Variants in BTNL2 observed in about 807,000 individuals in gnomAD.
BTNL2 encodes butyrophilin like 2, also known as butyrophilin-like protein 2.
In BTNL2, 46 loss-of-function variants were observed where a neutral mutation model predicts 46.8. The ratio of observed to expected loss-of-function variants is 0.98; its 90% CI spans 0.78 to 1.26. The LOEUF (loss-of-function observed/expected upper bound fraction) is 1.26. Ranked by LOEUF, BTNL2 falls within the 50% of genes most tolerant of loss-of-function variation. The probability of loss-of-function intolerance (pLI) is 0.00; values close to 1 mark genes in which losing one functional copy is unlikely to be tolerated. For missense variants in BTNL2, 461 were observed against 592.6 expected (o/e 0.78, Z 2.31); for synonymous variants, 226 against 229.1 (o/e 0.99, Z 0.12).
In BTNL2 at chr6:32,399,030, C is replaced by T. The variant is rs118011907; in HGVS notation, c.731-2644G>A. Among the ~76,000 whole-genome samples, 2,378 of 151,916 alleles carry T rather than the reference C, an allele frequency of 0.016. 73 individuals carry two copies. Among genetic ancestry groups the T allele is most frequent in the East Asian group, 0.095 (483 of 5,066 alleles). On this transcript the variant is annotated intron_variant, in intron 4 of 7. Coordinates refer to ENST00000454136, the MANE Select transcript of BTNL2 (RefSeq NM_001304561.2). This position sits in a 1 kb window ranked among gnomAD's most constrained non-coding sequence, Gnocchi z 5.2. ...CTTACTGCACAGGTCATCCCATCAC[C>T]CAGGTGTTAAGCCCAGCATCCATTA...
Position 32,393,872 on chromosome 6 carries a change from C to T in BTNL2, c.*6+91G>A. 2.0e-6 allele frequency: 3 copies of T among 1,479,858 alleles called. No individual in the cohort carries two copies. Among genetic ancestry groups the T allele is most frequent in the Non-Finnish European group, 1.8e-6 (2 of 1,109,880 alleles). The allele number at this position is 1,479,858 out of a possible 1,614,324, so 91.7% of individuals were successfully genotyped here. A position where few individuals can be genotyped will look rare whatever the true frequency, so the allele number is the denominator to read the frequency against. ...TACTGGATATTCACTGACTGCCTCC[C>T]ATAGGTGACTTGTGAAAAGGGAGGC... On this transcript the variant is annotated intron_variant, in intron 7 of 7. Coordinates refer to ENST00000454136, the MANE Select transcript of BTNL2 (RefSeq NM_001304561.2). This position sits in a 1 kb window ranked among gnomAD's most constrained non-coding sequence, Gnocchi z 4.8.
intron 5 of BTNL2, among the ~76,000 whole-genome samples, chr6:32,395,348 G>A (rs1353234688): frequency 6.6e-6 from 1 of 152,168 alleles, no homozygotes; most frequent in Non-Finnish European, 1.5e-5. Flanking sequence ...AACATACGGA[G>A]TAGGAGGATA....
chr6:32,396,485 A>C lies in BTNL2; in HGVS notation c.731-99T>G. On this transcript the variant is annotated intron_variant, in intron 4 of 7. Coordinates refer to ENST00000454136, the MANE Select transcript of BTNL2 (RefSeq NM_001304561.2). This position sits in a 1 kb window ranked among gnomAD's most constrained non-coding sequence, Gnocchi z 4.4. ...CCATTGGAGTTTAGAAACCATGAGC[A>C]TCCCAGGGTTGCTGTGAGGCTCAGG... 8.3e-7 allele frequency: 1 copy of C among 1,209,714 alleles called. No homozygotes were observed. Among genetic ancestry groups the C allele is most frequent in the Non-Finnish European group, 1.2e-6 (1 of 848,940 alleles). 74.9% of individuals were successfully genotyped at this position (1,209,714 alleles called of 1,614,324 possible). A position where few individuals can be genotyped will look rare whatever the true frequency, so the allele number is the denominator to read the frequency against.
chr6:32,403,340 G>A (rs1290337726), intron 2 of BTNL2, 124 bp from the exon 3 acceptor site: 5 of 973,906 alleles, frequency 5.1e-6, no homozygotes, highest in Non-Finnish European at 7.4e-6. Context: ...GGAGCAGAAA[G>A]TCGACCTCAG....
chr6:32,406,941 GCTT>G (rs768961447), intron 1 of BTNL2, 101 bp downstream of exon 1: 15,687 of 1,022,606 alleles, frequency 0.015, 232 homozygotes, highest in African/African-American at 0.056. Flanking sequence ...GATACAGGTG[GCTT>G]GGCCCCAGAC....
chr6:32,405,040 A>C lies in BTNL2; in HGVS notation c.326T>G (p.Leu109Arg). 2 of 1,613,056 alleles carry C rather than the reference A, an allele frequency of 1.2e-6. No homozygotes were observed. The highest frequency in any genetic ancestry group is 1.7e-6 in the Non-Finnish European group (2 of 1,180,040). The change falls in exon 2 of 8, where the codon CTG becomes CGG. Residue 109 changes from leucine (L) to arginine (R), a missense_variant. By Grantham distance (102) the Leu-to-Arg change is moderately radical (BLOSUM62 -2). Transcript: ENST00000454136. ...ENGIAKGNVA[L>R]KIHNIQPSDN... ...GGAGGGCTGGATGTTGTGTATCTTC[A>C]GTGCCACATTTCCCTTTGCAATGCC... is the stretch of plus-strand genomic sequence containing the variant.
chr6:32,403,928 C>T (rs1426031837), intron 2 of BTNL2: 1 of 152,172 alleles, frequency 6.6e-6, no homozygotes, highest in Non-Finnish European at 1.5e-5. Context: ...GTCTTAATCA[C>T]TTGCTGGTAA....
In BTNL2 at chr6:32,402,977, G is replaced by A. The variant is rs1471614945; in HGVS notation, c.667C>T (p.Pro223Ser). ...GACCCCTTCTCCTCAGTGAGGACGG[G>A]GTTGTGGACCAAGCAGGACACAGAC... ...AESVSCLVHN[P>S]VLTEEKGSVI... is the part of the protein sequence containing the mutation. The change falls in exon 3 of 8, where the codon CCC becomes TCC. Residue 223 changes from proline to serine, a missense_variant. Pro to Ser is a moderately conservative substitution (Grantham distance 74, BLOSUM62 -1). Coordinates refer to ENST00000454136, the MANE Select transcript of BTNL2 (RefSeq NM_001304561.2). 6.2e-7 allele frequency: 1 copy of A among 1,613,080 alleles called. No homozygotes were observed. The highest frequency in any genetic ancestry group is 1.1e-5 in the South Asian group (1 of 91,082).
chr6:32,403,195 A>G lies in BTNL2; in HGVS notation c.449T>C (p.Ile150Thr). 1.2e-6 allele frequency: 2 copies of G among 1,608,252 alleles called. No homozygotes were observed. Among genetic ancestry groups the G allele is most frequent in the Non-Finnish European group, 1.7e-6 (2 of 1,178,322 alleles). The stretch of plus-strand genomic sequence containing the variant: ...ACTCTCCCCAGGTCCCTCCATGTGG[A>G]TGCTAGGGGCAGACCCCAGACCTGC... ...KVAGLGSAPS[I>T]HMEGPGESGV... is the part of the protein sequence containing the mutation. The change falls in exon 3 of 8, where the codon ATC becomes ACC. Residue 150 changes from isoleucine (I) to threonine (T), a missense_variant. Physicochemically the swap from Ile to Thr is moderately conservative, Grantham distance 89. Coordinates refer to ENST00000454136, the MANE Select transcript of BTNL2 (RefSeq NM_001304561.2).
At chr6:32,400,844 T>C (rs7744667) in intron 4 of BTNL2, among the ~76,000 whole-genome samples, 10,354 of 130,434 alleles carry the variant, frequency 0.079, 823 homozygotes, top group Non-Finnish European at 0.09. Flanking sequence ...ATCCAGGAGA[T>C]GGAGGTTGCA....
In BTNL2 at chr6:32,394,694, G is replaced by A; in HGVS notation, c.1360+50C>T. On this transcript the variant is annotated intron_variant, in intron 6 of 7. Transcript: ENST00000454136. This position sits in a 1 kb window ranked among gnomAD's most constrained non-coding sequence, Gnocchi z 4.6. ...GCAATACAATGAGTAAGTCTGAGTT[G>A]GTCTTCATATTTATTTTCCAAACCT... 1 of 1,549,620 alleles carries A rather than the reference G, an allele frequency of 6.5e-7. No individual in the cohort carries two copies. The highest frequency in any genetic ancestry group is 2.3e-5 in the East Asian group (1 of 44,264).
At chr6:32,398,839 A>G (rs117809639) in intron 4 of BTNL2, among the ~76,000 whole-genome samples, 2,636 of 152,256 alleles carry the variant, frequency 0.017, 78 homozygotes, top group East Asian at 0.11. Context: ...TAAAGTGCTA[A>G]AAAAATCATG....
rs1273644967 is a variant in BTNL2 at position 32,403,097 on chromosome 6, CTCCCCGGATGTCT to C, written c.534_546del (p.Asp179ArgfsTer64). ...TGCTCAGACACGGCCAGCAGCTTCT[CTCCCCGGATGTCT>C]TCCCAATACACCTGGGGCTCTGGGA... On this transcript the variant is annotated frameshift_variant, in exon 3 of 8. Transcript: ENST00000454136. LOFTEE classifies it high-confidence loss of function. 9 of 1,612,810 alleles carry C rather than the reference CTCCCCGGATGTCT, an allele frequency of 5.6e-6. No homozygotes were observed. Among genetic ancestry groups the C allele is most frequent in the Non-Finnish European group, 7.6e-6 (9 of 1,179,948 alleles).
rs1776292869 is a variant in BTNL2 at position 32,394,169 on chromosome 6, C to A, written c.1361-112G>T. 1 of 1,445,944 alleles carries A rather than the reference C, an allele frequency of 6.9e-7. No individual in the cohort carries two copies. Among genetic ancestry groups the A allele is most frequent in the Non-Finnish European group, 9.2e-7 (1 of 1,084,568 alleles). 89.6% of individuals were successfully genotyped at this position (1,445,944 alleles called of 1,614,324 possible). On this transcript the variant is annotated intron_variant, in intron 6 of 7. Coordinates refer to ENST00000454136, the MANE Select transcript of BTNL2 (RefSeq NM_001304561.2). This position sits in a 1 kb window ranked among gnomAD's most constrained non-coding sequence, Gnocchi z 4.6. ...GGAGAGAAGGGAGAGAATTTGGCCT[C>A]CCAGGAAGCAGTTGGCCTGCTCCTC...
rs1274951953 is a variant in BTNL2, at chr6:32,399,984, A to C, written c.730+1801T>G. Among the ~76,000 whole-genome samples, 3 of 152,070 alleles carry C rather than the reference A, an allele frequency of 2.0e-5. No individual in the cohort carries two copies. Among genetic ancestry groups the C allele is most frequent in the Non-Finnish European group, 2.9e-5 (2 of 68,026 alleles). ...GTTAATTGTGGCCCCGGAGGTTACCATGACTTAGGAACAACAGGACATGGG... is the reference window on the plus strand; with the variant it reads ...GTTAATTGTGGCCCCGGAGGTTACCCTGACTTAGGAACAACAGGACATGGG... On this transcript the variant is annotated intron_variant, in intron 4 of 7. Transcript: ENST00000454136. This position sits in a 1 kb window ranked among gnomAD's most constrained non-coding sequence, Gnocchi z 5.2.
Position 32,407,150 on chromosome 6 carries a change from G to A in BTNL2, c.-27C>T, listed in dbSNP as rs375441946. 4 of 1,603,088 alleles carry A rather than the reference G, an allele frequency of 2.5e-6. No individual in the cohort carries two copies. Among genetic ancestry groups the A allele is most frequent in the African/African-American group, 2.7e-5 (2 of 74,722 alleles). ...CTCCCTGGAACAAAGACAAGGAAACGCTGTGCCTAAGTGAGGCTGTGACAC... is the reference window on the plus strand; with the variant it reads ...CTCCCTGGAACAAAGACAAGGAAACACTGTGCCTAAGTGAGGCTGTGACAC... On this transcript the variant is annotated 5_prime_UTR_variant, in exon 1 of 8. Coordinates refer to ENST00000454136, the MANE Select transcript of BTNL2 (RefSeq NM_001304561.2).
rs9281774 is a variant in BTNL2 at position 32,400,745 on chromosome 6, T to TAAAAATACAAA, written c.730+1039_730+1040insTTTGTATTTTT. ...CAACATGGTGAAACCCCGTCTCTAC[T>TAAAAATACAAA]AAAAAAAAAAAAAAAAAATTAGCTG... On this transcript the variant is annotated intron_variant, in intron 4 of 7. Coordinates refer to ENST00000454136, the MANE Select transcript of BTNL2 (RefSeq NM_001304561.2). 1.5e-3 allele frequency among the ~76,000 whole-genome samples: 124 copies of TAAAAATACAAA among 82,140 alleles called. 7 individuals carry two copies. Among genetic ancestry groups the TAAAAATACAAA allele is most frequent in the South Asian group, 3.0e-3 (8 of 2,708 alleles). The allele number at this position is 82,140 out of a possible 152,430, so 53.9% of individuals were successfully genotyped here.
In BTNL2 at chr6:32,393,815, C is replaced by T; in HGVS notation, c.*6+148G>A. The T allele has an allele frequency of 8.5e-7, 1 of 1,176,758 alleles. No homozygotes were observed. The highest frequency in any genetic ancestry group is 1.2e-6 in the Non-Finnish European group (1 of 865,064). 72.9% of individuals were successfully genotyped at this position (1,176,758 alleles called of 1,614,324 possible). On this transcript the variant is annotated intron_variant, in intron 7 of 7. Coordinates refer to ENST00000454136, the MANE Select transcript of BTNL2 (RefSeq NM_001304561.2). This position sits in a 1 kb window ranked among gnomAD's most constrained non-coding sequence, Gnocchi z 4.8. ...CTGAGCCTGGATTGCATGATAAGCC[C>T]TGGGCTTTCCTGTTTCTCATGTTTC...
chr6:32,395,045 C>A lies in BTNL2; in HGVS notation c.1079-20G>T. ...CCAGACCTGGGGCAGAGAAAGCAAC[C>A]AAAGCCTGGGGTCCTTTCAAGTGGA... On this transcript the variant is annotated intron_variant, in intron 5 of 7. Coordinates refer to ENST00000454136, the MANE Select transcript of BTNL2 (RefSeq NM_001304561.2). The A allele has an allele frequency of 2.9e-5, 45 of 1,542,006 alleles. No individual in the cohort carries two copies. The highest frequency in any genetic ancestry group is 3.9e-5 in the Non-Finnish European group (45 of 1,143,742).
Sources: allele counts gnomAD v4.1 joint callset (sites outside exome capture counted in the v4.1 genomes callset), GRCh38; gene constraint gnomAD v4.1.1; non-coding constraint Gnocchi (gnomAD v3.1); transcripts MANE v1.5; gene names NCBI Gene and HGNC (gene_info 2026-07-23, HGNC 2026-07-21).